MGRN1: variants seen among roughly 807,000 people sequenced by gnomAD.
MGRN1 encodes the protein E3 ubiquitin-protein ligase MGRN1.
In MGRN1, 29 loss-of-function variants were observed where a neutral mutation model predicts 69.2. That is an observed-to-expected ratio of 0.42 (90% confidence interval 0.31 to 0.57). The LOEUF (loss-of-function observed/expected upper bound fraction) is 0.57, where lower values mean the gene tolerates loss of function less well. Ranked by LOEUF, MGRN1 falls within the 20% of genes least tolerant of loss-of-function variation. The pLI, the probability that MGRN1 is intolerant of heterozygous loss-of-function variation, is 0.15. For missense variants in MGRN1, 998 were observed against 796.2 expected (o/e 1.25, Z -3.05); for synonymous variants, 470 against 344.2 (o/e 1.37, Z -4.04).
At chr16:4,631,917 T>TC (rs1257842006) in intron 1 of MGRN1, among the ~76,000 whole-genome samples, 2 of 151,920 alleles carry the variant, frequency 1.3e-5, no homozygotes, top group African/African-American at 4.8e-5. Flanking sequence ...TTTTTTTTTT[T>TC]CAGATAACTT....
intron 16 of MGRN1, among the ~76,000 whole-genome samples, chr16:4,685,906 T>C (rs969649306): frequency 3.3e-5 from 5 of 152,146 alleles, no homozygotes; most frequent in African/African-American, 1.2e-4. Flanking sequence ...CCTGGTGTCT[T>C]GGACTTGGCC....
At chr16:4,668,227 C>A (rs765962004) in intron 7 of MGRN1, 38 bp from the exon 8 acceptor site, 4 of 1,605,372 alleles carry the variant, frequency 2.5e-6, no homozygotes, top group Non-Finnish European at 3.4e-6. Context: ...GAGGCGCCAG[C>A]TTGACCACCT....
intron 8 of MGRN1, 175 bp from the exon 9 acceptor site, chr16:4,671,216 G>T: frequency 3.2e-6 from 2 of 623,216 alleles, no homozygotes; most frequent in Non-Finnish European, 5.7e-6. Flanking sequence ...CTGCTGGTTG[G>T]GTGGGGGCAA....
chr16:4,642,368 G>A (rs971568086), intron 1 of MGRN1, among the ~76,000 whole-genome samples: 5 of 151,880 alleles, frequency 3.3e-5, no homozygotes, highest in Non-Finnish European at 1.5e-5. Context: ...TGTGATCTCC[G>A]CTCACGGTAA....
In MGRN1 at chr16:4,681,619, G is replaced by T. The variant is rs1375855652; in HGVS notation, c.1201G>T (p.Val401Phe). The T allele has an allele frequency of 6.2e-7, 1 of 1,613,522 alleles. No homozygotes were observed. The highest frequency in any genetic ancestry group is 8.5e-7 in the Non-Finnish European group (1 of 1,180,016). Residue 401 changes from valine (V) to phenylalanine (F), a missense_variant, in exon 13 of 17, where the codon GTC becomes TTC. Physicochemically the swap from Val to Phe is conservative, Grantham distance 50. Coordinates refer to ENST00000262370, the MANE Select transcript of MGRN1 (RefSeq NM_015246.4). ...CGAGGCGCTCAACGGCCTCCGGGCT[G>T]TCTCCCCGGCCATCCCCTCGGCCCC... ...LLEALNGLRA[V>F]SPAIPSAPLY... is the part of the protein sequence containing the mutation.
At position 4,683,054 on chromosome 16, in the gene MGRN1, C is replaced by T. The variant is rs979835385; in HGVS notation, c.1482+108C>T. The T allele has an allele frequency of 8.8e-6, 13 of 1,469,498 alleles. No individual in the cohort carries two copies. In the East Asian group the frequency reaches 2.8e-4, roughly 32 times the overall value. 91.0% of individuals were successfully genotyped at this position (1,469,498 alleles called of 1,614,324 possible). On this transcript the variant is annotated intron_variant, in intron 14 of 16. Coordinates refer to ENST00000262370, the MANE Select transcript of MGRN1 (RefSeq NM_015246.4). Reference sequence around the variant, plus strand: ...CACTGCCCGCCTGGGCGCCCCCGTGCTTGTTGGCTCTTGCTGAGCTGCGCG... The same window carrying T: ...CACTGCCCGCCTGGGCGCCCCCGTGTTTGTTGGCTCTTGCTGAGCTGCGCG...
At chr16:4,652,464 C>G (rs1462254959) in intron 3 of MGRN1, among the ~76,000 whole-genome samples, 4 of 152,178 alleles carry the variant, frequency 2.6e-5, no homozygotes, top group Non-Finnish European at 5.9e-5. Context: ...GAACCAAAAG[C>G]ACGTACCCCG....
At chr16:4,679,976 A>T in intron 11 of MGRN1, 56 bp from the exon 12 acceptor site, 1 of 1,554,750 alleles carries the variant, frequency 6.4e-7, no homozygotes, top group Non-Finnish European at 8.8e-7. Context: ...TGTCCAGCCC[A>T]CTCCAGGGCC....
intron 5 of MGRN1, among the ~76,000 whole-genome samples, chr16:4,660,515 C>G (rs987374845): frequency 6.6e-6 from 1 of 152,254 alleles, no homozygotes; most frequent in Non-Finnish European, 1.5e-5. Flanking sequence ...CTCAGAGGCT[C>G]CTCAGAGCAC....
intron 14 of MGRN1, 73 bp from the exon 15 acceptor site, chr16:4,683,151 C>G: frequency 6.3e-7 from 1 of 1,588,352 alleles, no homozygotes; most frequent in Non-Finnish European, 8.6e-7. Flanking sequence ...AGGGCCGTGC[C>G]TGATGGCGGC....
At position 4,682,914 on chromosome 16, in the gene MGRN1, G is replaced by C. The variant is rs562584538; in HGVS notation, c.1450G>C (p.Glu484Gln). Residue 484 changes from glutamate to glutamine, a missense_variant, in exon 14 of 17, where the codon GAG (glutamate) becomes CAG (glutamine). Physicochemically the swap from Glu to Gln is conservative, Grantham distance 29 (BLOSUM62 2). Coordinates refer to ENST00000262370, the MANE Select transcript of MGRN1 (RefSeq NM_015246.4). The part of the protein sequence containing the change: ...VDAPPPLGGA[E>Q]LALRESSSPE... ...CGCCCCTCCCCCACTGGGTGGCGCAGAGCTGGCCCTGCGGGAAAGCAGCTC... is the reference window on the plus strand; with the variant it reads ...CGCCCCTCCCCCACTGGGTGGCGCACAGCTGGCCCTGCGGGAAAGCAGCTC... The C allele has an allele frequency of 1.3e-5, 21 of 1,603,094 alleles. No homozygotes were observed. In the African/African-American group the frequency reaches 2.7e-4, roughly 20 times the overall value.
At chr16:4,650,298 C>A (rs1315217933) in intron 1 of MGRN1, 67 bp from the exon 2 acceptor site, 1 of 1,335,530 alleles carries the variant, frequency 7.5e-7, no homozygotes, top group Non-Finnish European at 1.0e-6. Flanking sequence ...CCACTGCACT[C>A]TAGCCTGAGA....
At chr16:4,628,066 T>C (rs1274066385) in intron 1 of MGRN1, among the ~76,000 whole-genome samples, 1 of 103,146 alleles carries the variant, frequency 9.7e-6, no homozygotes, top group Admixed American at 1.2e-4. Context: ...GGTGTCAGAG[T>C]GAGACTCCGT....
At chr16:4,659,949 C>T (rs1006428345) in intron 5 of MGRN1, among the ~76,000 whole-genome samples, 4 of 152,352 alleles carry the variant, frequency 2.6e-5, no homozygotes, top group South Asian at 2.1e-4. Context: ...GCTTGGAGGC[C>T]GTGTGTCTTC....
In MGRN1 at chr16:4,627,924, C is replaced by CA. The variant is rs549180320; in HGVS notation, c.88+2882dup. 4.4e-3 allele frequency among the ~76,000 whole-genome samples: 662 copies of CA among 149,032 alleles called. 20 individuals carry two copies. The highest frequency in any genetic ancestry group is 0.015 in the African/African-American group (605 of 40,060). ...TGAAACCCCATCTCTACCAAAAATACAAAAAATTAGCTGGGTGTGGTGGCG... is the reference window on the plus strand; with the variant it reads ...TGAAACCCCATCTCTACCAAAAATACAAAAAAATTAGCTGGGTGTGGTGGCG... On this transcript the variant is annotated intron_variant, in intron 1 of 16. Transcript: ENST00000262370.
At chr16:4,674,741 C>T (rs903662373) in intron 10 of MGRN1, among the ~76,000 whole-genome samples, 4 of 141,400 alleles carry the variant, frequency 2.8e-5, no homozygotes, top group Admixed American at 7.2e-5. Flanking sequence ...CCCGGGTTCA[C>T]GCCATTCTCC....
intron 4 of MGRN1, among the ~76,000 whole-genome samples, chr16:4,657,000 G>GT (rs2078559410): frequency 1.3e-5 from 2 of 152,238 alleles, no homozygotes; most frequent in Admixed American, 1.3e-4. Flanking sequence ...GATTGGGCAG[G>GT]TGTGGGCTCT....
chr16:4,682,263 A>G (rs1037822967), intron 13 of MGRN1, among the ~76,000 whole-genome samples: 5 of 152,212 alleles, frequency 3.3e-5, no homozygotes, highest in Non-Finnish European at 5.9e-5. Flanking sequence ...TCTCCAGGCG[A>G]TGAGTGCATC....
intron 15 of MGRN1, 67 bp downstream of exon 15, chr16:4,683,336 T>C: frequency 6.4e-7 from 1 of 1,560,848 alleles, no homozygotes; most frequent in Non-Finnish European, 8.8e-7. Flanking sequence ...TACTGGGGCC[T>C]TAGGGCTCCA....
Sources: gnomAD v4.1 joint callset for allele counts (sites outside exome capture counted in the v4.1 genomes callset) on GRCh38, gnomAD v4.1.1 for gene constraint, MANE v1.5 for transcripts, NCBI Gene and HGNC (gene_info 2026-07-23, HGNC 2026-07-21) for gene names.